The following TRIM2 variants were observed in gnomAD, a reference collection of about 807,000 sequenced individuals.
TRIM2 encodes tripartite motif containing 2.
TRIM2 carries 20 observed loss-of-function variants against 75.2 expected under a neutral mutation model. That is an observed-to-expected ratio of 0.27 (90% CI 0.19 to 0.39). The LOEUF is 0.39. TRIM2 is among the 10% of genes least tolerant of loss of function. The probability of loss-of-function intolerance (pLI) is 1.00; values close to 1 mark genes in which losing one functional copy is unlikely to be tolerated. For synonymous variants in TRIM2, 373 were observed against 388.3 expected (o/e 0.96, Z 0.46); for missense variants, 660 against 990.8 (o/e 0.67, Z 4.48).
intron 1 of TRIM2, among the ~76,000 whole-genome samples, chr4:153,166,849 A>G (rs2049967561): frequency 6.6e-6 from 1 of 152,184 alleles, no homozygotes; most frequent in African/African-American, 2.4e-5. Context: ...TGGAATGCCT[A>G]CCATTCAGTA....
chr4:153,211,851 G>A (rs1168402090), intron 1 of TRIM2, among the ~76,000 whole-genome samples: 1 of 151,882 alleles, frequency 6.6e-6, no homozygotes, highest in Non-Finnish European at 1.5e-5. Context: ...TCTTGTGCTT[G>A]TAACTCAAAC....
intron 1 of TRIM2, among the ~76,000 whole-genome samples, chr4:153,221,992 G>GGA (rs1553966566): frequency 2.2e-3 from 203 of 93,270 alleles, no homozygotes; most frequent in South Asian, 6.3e-3. Context: ...GGAAGGGAGA[G>GGA]AGGAAGGAAG....
intron 1 of TRIM2, among the ~76,000 whole-genome samples, chr4:153,268,880 C>T (rs1755944292): frequency 6.6e-6 from 1 of 152,174 alleles, no homozygotes; most frequent in Non-Finnish European, 1.5e-5. Context: ...GACATGAATA[C>T]CAACAGATAT....
At chr4:153,177,267 C>A (rs2149627336) in intron 1 of TRIM2, among the ~76,000 whole-genome samples, 1 of 152,346 alleles carries the variant, frequency 6.6e-6, no homozygotes, top group Admixed American at 6.5e-5. Flanking sequence ...TTCACGTACA[C>A]CCCATTGGCA....
intron 1 of TRIM2, among the ~76,000 whole-genome samples, chr4:153,227,684 A>ACGTCTCT (rs1479595356): frequency 6.6e-6 from 1 of 152,186 alleles, no homozygotes; most frequent in African/African-American, 2.4e-5. Flanking sequence ...TGGAGGGTGC[A>ACGTCTCT]CGTCTCTCTT....
intron 6 of TRIM2, among the ~76,000 whole-genome samples, chr4:153,303,959 G>C (rs1282112774): frequency 6.6e-6 from 1 of 152,152 alleles, no homozygotes; most frequent in African/African-American, 2.4e-5. Context: ...TGCTTACTCT[G>C]ATCTAGAGGA....
intron 1 of TRIM2, among the ~76,000 whole-genome samples, chr4:153,190,720 A>C (rs1733094857): frequency 6.6e-6 from 1 of 152,100 alleles, no homozygotes; most frequent in Admixed American, 6.6e-5. Context: ...CAGGGTCTGG[A>C]ATGCTATTCT....
intron 1 of TRIM2, among the ~76,000 whole-genome samples, chr4:153,230,421 A>C (rs999189427): frequency 6.6e-6 from 1 of 152,138 alleles, no homozygotes; most frequent in Non-Finnish European, 1.5e-5. Context: ...GGCTCAAGCG[A>C]TCTGCCTGCC....
intron 1 of TRIM2, among the ~76,000 whole-genome samples, chr4:153,196,962 T>A (rs1733840499): frequency 1.3e-5 from 2 of 152,212 alleles, no homozygotes; most frequent in Admixed American, 1.3e-4. Flanking sequence ...ACTTTAGGCA[T>A]CCTTTTCCAT....
At position 153,221,806 on chromosome 4, in the gene TRIM2, G is replaced by A. The variant is rs1328255759; in HGVS notation, c.30+17246G>A. On this transcript the variant is annotated intron_variant, in intron 1 of 11. Coordinates refer to ENST00000338700, the MANE Select transcript of TRIM2 (RefSeq NM_015271.5). ...AGAAAAGGAAGGAAAGAGCGAGGAA[G>A]GAAGGGAGGGAGGGAGGAAATGAAG... 1.3e-3 allele frequency among the ~76,000 whole-genome samples: 113 copies of A among 85,298 alleles called. 2 individuals are homozygous for A. The highest frequency in any genetic ancestry group is 7.1e-3 in the African/African-American group (111 of 15,728). 56.0% of individuals were successfully genotyped at this position (85,298 alleles called of 152,430 possible). A position where few individuals can be genotyped will look rare whatever the true frequency, so the allele number is the denominator to read the frequency against.
rs1306325638 is a variant in TRIM2 at position 153,248,765 on chromosome 4, T to C, written c.31-21570T>C. Among the ~76,000 whole-genome samples, 1 of 152,238 alleles carries C rather than the reference T, an allele frequency of 6.6e-6. No individual in the cohort carries two copies. The highest frequency in any genetic ancestry group is 1.9e-4 in the East Asian group (1 of 5,194). On this transcript the variant is annotated intron_variant, in intron 1 of 11. Transcript: ENST00000338700. The surrounding 1 kb of genome is among the most constrained non-coding windows in gnomAD (Gnocchi z 4.0). ...CCAGGCAGGTTGCTTAGGAAAATAC[T>C]CTTCTGGTAACATGTTGGAGGGGCA...
At chr4:153,269,992 G>A (rs897380222) in intron 1 of TRIM2, among the ~76,000 whole-genome samples, 8 of 152,010 alleles carry the variant, frequency 5.3e-5, no homozygotes, top group African/African-American at 1.4e-4. Flanking sequence ...GCAGTGGCGC[G>A]ATCTCAGCTC....
chr4:153,314,012 C>T (rs111379636), intron 6 of TRIM2, among the ~76,000 whole-genome samples: 1,918 of 152,144 alleles, frequency 0.013, 54 homozygotes, highest in African/African-American at 0.044. Context: ...AATTTATCTT[C>T]CTTCCTGGTC....
In TRIM2 at chr4:153,183,843, C is replaced by T. The variant is rs1350448373; in HGVS notation, c.-49+30573C>T. On this transcript the variant is annotated intron_variant, in intron 1 of 11. Transcript: ENST00000437508. ...GGATCCCTTGTAGGTGTAAGGGAGA[C>T]AATCTCCTTGCAGACCTGTGTTCCA... 2.0e-5 allele frequency among the ~76,000 whole-genome samples: 3 copies of T among 152,190 alleles called. No homozygotes were observed. The East Asian group carries it at 5.8e-4, about 29-fold the overall frequency.
intron 3 of TRIM2, among the ~76,000 whole-genome samples, chr4:153,284,677 A>C (rs933721969): frequency 6.6e-6 from 1 of 152,098 alleles, no homozygotes; most frequent in Non-Finnish European, 1.5e-5. Context: ...TTTGATTTGC[A>C]TTTGCCAAAT....
At chr4:153,196,269 C>A (rs1374718760) in intron 1 of TRIM2, among the ~76,000 whole-genome samples, 52 of 149,382 alleles carry the variant, frequency 3.5e-4, no homozygotes, top group African/African-American at 1.3e-3. Flanking sequence ...TACCACCCCC[C>A]CCCACACACA....
intron 1 of TRIM2, among the ~76,000 whole-genome samples, chr4:153,264,893 C>T (rs954660149): frequency 3.3e-5 from 5 of 152,136 alleles, no homozygotes; most frequent in African/African-American, 1.2e-4. Context: ...ATGCCTTCAA[C>T]AGGTCACTTG....
In TRIM2 at chr4:153,276,104, C is replaced by T. The variant is rs1265820965; in HGVS notation, c.427C>T (p.Leu143Phe). 6.2e-7 allele frequency: 1 copy of T among 1,614,002 alleles called. No homozygotes were observed. Among genetic ancestry groups the T allele is most frequent in the African/African-American group, 1.3e-5 (1 of 74,942 alleles). Residue 143 changes from leucine to phenylalanine, a missense_variant, in exon 3 of 12, where the codon CTC (leucine) becomes TTC (phenylalanine). This residue lies in a region of TRIM2 where 620 missense variants were observed against 891.0 expected (regional missense o/e 0.70). Coordinates refer to ENST00000338700, the MANE Select transcript of TRIM2 (RefSeq NM_015271.5). ...TVTAVAAGKP[L>F]SCPNHDGNVM... ...CACTGCTGTGGCTGCGGGAAAGCCT[C>T]TCTCTTGCCCAAACCACGATGGGAA... is the stretch of plus-strand genomic sequence containing the variant.
intron 1 of TRIM2, among the ~76,000 whole-genome samples, chr4:153,157,572 G>A (rs558699707): frequency 5.3e-4 from 81 of 152,218 alleles, no homozygotes; most frequent in African/African-American, 1.9e-3. Flanking sequence ...CATAGGCTCG[G>A]GCTGAGATGC....
Sources: gnomAD v4.1 joint callset for allele counts (sites outside exome capture counted in the v4.1 genomes callset) on GRCh38, gnomAD v4.1.1 for gene constraint, gnomAD v4.1.1 regional missense constraint, Gnocchi (gnomAD v3.1) non-coding constraint, MANE v1.5 for transcripts, NCBI Gene and HGNC (gene_info 2026-07-23, HGNC 2026-07-21) for gene names.